Variants in CBR1 observed in about 807,000 individuals in gnomAD.
The protein encoded by CBR1 is carbonyl reductase 1, also known as carbonyl reductase [NADPH] 1.
A neutral mutation model predicts 10.6 loss-of-function variants in CBR1; 11 were observed. That is an observed-to-expected ratio of 1.03 (90% confidence interval 0.65 to 1.71). The LOEUF (loss-of-function observed/expected upper bound fraction) is 1.71, where lower values mean the gene tolerates loss of function less well. CBR1 is among the 40% of genes most tolerant of loss of function. CBR1 has a pLI of 0.00. For missense variants in CBR1, 361 were observed against 368.6 expected (o/e 0.98, Z 0.17); for synonymous variants, 158 against 156.7 (o/e 1.01, Z -0.06).
chr21:36,070,152 G>A lies in CBR1; in HGVS notation c.37G>A (p.Gly13Ser), dbSNP rs1255330242. ...CATCCATGTAGCGCTGGTGACTGGAGGCAACAAGGGCATCGGCTTGGCCAT... is the reference window on the plus strand; with the variant it reads ...CATCCATGTAGCGCTGGTGACTGGAAGCAACAAGGGCATCGGCTTGGCCAT... ...SGIHVALVTG[G>S]NKGIGLAIVR... The change falls in exon 1 of 3, where the codon GGC becomes AGC. Residue 13 changes from glycine (G) to serine (S), a missense_variant. Coordinates refer to ENST00000290349, the MANE Select transcript of CBR1 (RefSeq NM_001757.4). The A allele has an allele frequency of 1.9e-6, 3 of 1,573,014 alleles. No homozygotes were observed. The highest frequency in any genetic ancestry group is 3.7e-5 in the Admixed American group (2 of 53,726).
At chr21:36,070,887 A>C in intron 1 of CBR1, 63 bp from the exon 2 acceptor site, 2 of 852,656 alleles carry the variant, frequency 2.3e-6, no homozygotes, top group Non-Finnish European at 1.8e-6. Flanking sequence ...TTTTAGTATC[A>C]TTGTATAGAA....
chr21:36,072,326 A>G lies in CBR1; in HGVS notation c.398-120A>G, dbSNP rs2065357847. On this transcript the variant is annotated intron_variant, in intron 2 of 2. Transcript: ENST00000290349. ...TCTATGCGTATTCCTCTTAGAACTCATACCAGTAACTGTCTCTCATATGAA... is the reference window on the plus strand; with the variant it reads ...TCTATGCGTATTCCTCTTAGAACTCGTACCAGTAACTGTCTCTCATATGAA... 3 of 1,586,762 alleles carry G rather than the reference A, an allele frequency of 1.9e-6. No homozygotes were observed. The Admixed American group carries it at 5.4e-5, about 29-fold the overall frequency.
chr21:36,070,954 T>C lies in CBR1; in HGVS notation c.294T>C (p.Ala98=). 4.3e-6 allele frequency: 7 copies of C among 1,610,858 alleles called. No individual in the cohort carries two copies. The highest frequency in any genetic ancestry group is 1.3e-5 in the African/African-American group (1 of 74,840). The change falls in exon 2 of 3, where the codon GCT becomes GCC. Residue 98 remains alanine (A), a synonymous_variant. Transcript: ENST00000290349. ...VNNAGIAFKV[A]DPTPFHIQAE... ...GTTCTCTTTCTCTCCTAAAAGTTGCTGATCCCACACCCTTTCATATTCAAG... is the reference window on the plus strand; with the variant it reads ...GTTCTCTTTCTCTCCTAAAAGTTGCCGATCCCACACCCTTTCATATTCAAG...
In CBR1 at chr21:36,072,765, G is replaced by C. The variant is rs1601323793; in HGVS notation, c.717G>C (p.Lys239Asn). 1.2e-6 allele frequency: 2 copies of C among 1,614,010 alleles called. No homozygotes were observed. Among genetic ancestry groups the C allele is most frequent in the Non-Finnish European group, 1.7e-6 (2 of 1,180,026 alleles). The change falls in exon 3 of 3, where the codon AAG (lysine) becomes AAC (asparagine). Residue 239 changes from lysine to asparagine, a missense_variant. Coordinates refer to ENST00000290349, the MANE Select transcript of CBR1 (RefSeq NM_001757.4). Reference protein sequence around the residue: ...GWVRTDMAGPKATKSPEEGAE... With the variant: ...GWVRTDMAGPNATKSPEEGAE... Reference sequence around the variant, plus strand: ...TGAGAACTGACATGGCGGGACCCAAGGCCACCAAGAGCCCAGAAGAAGGTG... The same window carrying C: ...TGAGAACTGACATGGCGGGACCCAACGCCACCAAGAGCCCAGAAGAAGGTG...
At position 36,071,602 on chromosome 21, in the gene CBR1, A is replaced by C; in HGVS notation, c.397+545A>C. On this transcript the variant is annotated intron_variant, in intron 2 of 2. Coordinates refer to ENST00000290349, the MANE Select transcript of CBR1 (RefSeq NM_001757.4). ...TCCTTTTCCCTAAGTCGTTTGGGACACAGACCCCACCACCCACCCACCAGG... is the reference window on the plus strand; with the variant it reads ...TCCTTTTCCCTAAGTCGTTTGGGACCCAGACCCCACCACCCACCCACCAGG... 5.1e-6 allele frequency: 3 copies of C among 585,556 alleles called. No individual in the cohort carries two copies. In the South Asian group the frequency reaches 6.3e-5, roughly 12 times the overall value. 36.3% of individuals were successfully genotyped at this position (585,556 alleles called of 1,614,324 possible). A position where few individuals can be genotyped will look rare whatever the true frequency, so the allele number is the denominator to read the frequency against.
intron 1 of CBR1, 52 bp from the exon 2 acceptor site, chr21:36,070,898 T>C (rs1442699214): frequency 1.9e-6 from 2 of 1,078,552 alleles, no homozygotes; most frequent in Non-Finnish European, 2.8e-6. Context: ...TTGTATAGAA[T>C]TTTACCCCAT....
At chr21:36,071,943 C>T in intron 2 of CBR1, 1 of 1,535,970 alleles carries the variant, frequency 6.5e-7, no homozygotes, top group Non-Finnish European at 8.7e-7. Context: ...ATTTTAACTC[C>T]CCTTCAACGT....
At chr21:36,071,836 G>T in intron 2 of CBR1, 2 of 1,535,738 alleles carry the variant, frequency 1.3e-6, no homozygotes, top group Non-Finnish European at 1.7e-6. Flanking sequence ...CTGTCTGCAT[G>T]GTCATGCCTC....
intron 1 of CBR1, 164 bp downstream of exon 1, chr21:36,070,568 T>C: frequency 1.5e-6 from 1 of 687,360 alleles, no homozygotes. Flanking sequence ...CAAAGGGAAC[T>C]TTGTGTTTCC....
In CBR1 at chr21:36,070,973, A is replaced by G. The variant is rs2065347874; in HGVS notation, c.313A>G (p.Ile105Val). 2 of 1,611,602 alleles carry G rather than the reference A, an allele frequency of 1.2e-6. No individual in the cohort carries two copies. The highest frequency in any genetic ancestry group is 2.7e-5 in the African/African-American group (2 of 74,244). Reference protein sequence around the residue: ...FKVADPTPFHIQAEVTMKTNF... With the variant: ...FKVADPTPFHVQAEVTMKTNF... ...AGTTGCTGATCCCACACCCTTTCATATTCAAGCTGAAGTGACGATGAAAAC... is the reference window on the plus strand; with the variant it reads ...AGTTGCTGATCCCACACCCTTTCATGTTCAAGCTGAAGTGACGATGAAAAC... The change falls in exon 2 of 3, where the codon ATT becomes GTT. Residue 105 changes from isoleucine to valine, a missense_variant. Ile to Val is a conservative substitution (Grantham distance 29). Transcript: ENST00000290349.
Position 36,072,682 on chromosome 21 carries a change from CTGAG to C in CBR1, c.639_642del (p.Glu214ArgfsTer9). The C allele has an allele frequency of 1.9e-6, 3 of 1,614,076 alleles. No individual in the cohort carries two copies. The highest frequency in any genetic ancestry group is 2.5e-6 in the Non-Finnish European group (3 of 1,180,008). On this transcript the variant is annotated frameshift_variant, in exon 3 of 3. Coordinates refer to ENST00000290349, the MANE Select transcript of CBR1 (RefSeq NM_001757.4). LOFTEE classifies it high-confidence loss of function. The stretch of plus-strand genomic sequence containing the variant: ...TCTGTCCAGGATCCACGCCAGGAAA[CTGAG>C]TGAGCAGAGGAAAGGGGACAAGATC...
rs780496525 is a variant in CBR1 at position 36,072,815 on chromosome 21, T to C, written c.767T>C (p.Leu256Pro). Residue 256 changes from leucine (L) to proline (P), a missense_variant, in exon 3 of 3, where the codon CTT becomes CCT. By Grantham distance (98) the Leu-to-Pro change is moderately conservative (BLOSUM62 -3). Transcript: ENST00000290349. ...EGAETPVYLA[L>P]LPPDAEGPHG... is the part of the protein sequence containing the mutation. ...GCAGAGACCCCTGTGTACTTGGCCC[T>C]TTTGCCCCCAGATGCTGAGGGTCCC... 137 of 1,613,652 alleles carry C rather than the reference T, an allele frequency of 8.5e-5. No homozygotes were observed. The highest frequency in any genetic ancestry group is 1.1e-4 in the Non-Finnish European group (129 of 1,179,918).
At chr21:36,070,894 A>G (rs2065347409) in intron 1 of CBR1, 56 bp from the exon 2 acceptor site, 1 of 985,840 alleles carries the variant, frequency 1.0e-6, no homozygotes, top group Non-Finnish European at 1.5e-6. Context: ...ATCATTGTAT[A>G]GAATTTTACC....
chr21:36,070,262 G>A lies in CBR1; in HGVS notation c.147G>A (p.Gln49=), dbSNP rs972016400. 1 of 1,611,774 alleles carries A rather than the reference G, an allele frequency of 6.2e-7. No individual in the cohort carries two copies. Among genetic ancestry groups the A allele is most frequent in the African/African-American group, 1.3e-5 (1 of 74,936 alleles). Reference sequence around the variant, plus strand: ...CGCGGGGCCAGGCGGCCGTACAGCAGCTGCAGGCGGAGGGCCTGAGCCCGC... The same window carrying A: ...CGCGGGGCCAGGCGGCCGTACAGCAACTGCAGGCGGAGGGCCTGAGCCCGC... The part of the protein sequence containing the change: ...DVTRGQAAVQ[Q]LQAEGLSPRF... The change falls in exon 1 of 3, where the codon CAG becomes CAA. Residue 49 remains glutamine (Q), a synonymous_variant. Transcript: ENST00000290349.
chr21:36,070,748 A>G (rs2065345712), intron 1 of CBR1, among the ~76,000 whole-genome samples: 1 of 152,072 alleles, frequency 6.6e-6, no homozygotes, highest in South Asian at 2.1e-4. Flanking sequence ...TCCTTCCCCC[A>G]ATGGTGCCAT....
intron 2 of CBR1, 58 bp downstream of exon 2, chr21:36,071,115 G>T: frequency 8.6e-7 from 1 of 1,162,096 alleles, no homozygotes; most frequent in Non-Finnish European, 1.3e-6. Flanking sequence ...GCCCCTGCTT[G>T]CCTGGGATTT....
At chr21:36,071,950 A>G in intron 2 of CBR1, 1 of 1,535,944 alleles carries the variant, frequency 6.5e-7, no homozygotes. Context: ...CTCCCCTTCA[A>G]CGTGCTGAAG....
rs1419813148 is a variant in CBR1 at position 36,070,290 on chromosome 21, T to C, written c.175T>C (p.Phe59Leu). ...GCAGGCGGAGGGCCTGAGCCCGCGCTTCCACCAGCTGGACATCGACGATCT... is the reference window on the plus strand; with the variant it reads ...GCAGGCGGAGGGCCTGAGCCCGCGCCTCCACCAGCTGGACATCGACGATCT... ...QLQAEGLSPRFHQLDIDDLQS... is the reference protein window; with the variant it reads ...QLQAEGLSPRLHQLDIDDLQS... Residue 59 changes from phenylalanine to leucine, a missense_variant, in exon 1 of 3, where the codon TTC becomes CTC. Phe to Leu is a conservative substitution (Grantham distance 22, BLOSUM62 0). Coordinates refer to ENST00000290349, the MANE Select transcript of CBR1 (RefSeq NM_001757.4). 9 of 1,612,766 alleles carry C rather than the reference T, an allele frequency of 5.6e-6. No homozygotes were observed. The highest frequency in any genetic ancestry group is 7.6e-6 in the Non-Finnish European group (9 of 1,179,922).
Position 36,070,208 on chromosome 21 carries a change from G to A in CBR1, c.93G>A (p.Gly31=), listed in dbSNP as rs566205268. ...GCGACCTGTGCCGGCTGTTCTCGGGGGACGTGGTGCTCACGGCGCGGGACG... is the reference window on the plus strand; with the variant it reads ...GCGACCTGTGCCGGCTGTTCTCGGGAGACGTGGTGCTCACGGCGCGGGACG... ...IVRDLCRLFS[G]DVVLTARDVT... The change falls in exon 1 of 3, where the codon GGG becomes GGA. Residue 31 remains glycine, a synonymous_variant. Transcript: ENST00000290349. 6 of 1,608,590 alleles carry A rather than the reference G, an allele frequency of 3.7e-6. No individual in the cohort carries two copies. Among genetic ancestry groups the A allele is most frequent in the Middle Eastern group, 1.7e-4 (1 of 6,042 alleles).
Sources: allele counts gnomAD v4.1 joint callset (sites outside exome capture counted in the v4.1 genomes callset), GRCh38; gene constraint gnomAD v4.1.1; transcripts MANE v1.5; gene names NCBI Gene and HGNC (gene_info 2026-07-23, HGNC 2026-07-21).